AJAP1: variants seen among roughly 807,000 people sequenced by gnomAD.
AJAP1 encodes the protein adherens junctions associated protein 1, also known as adherens junction-associated protein 1.
In AJAP1, 5 loss-of-function variants were observed where a neutral mutation model predicts 35.0. The observed-to-expected ratio is 0.14, with a 90% CI of 0.07 to 0.30. The LOEUF (loss-of-function observed/expected upper bound fraction) is 0.30, where lower values mean the gene tolerates loss of function less well. AJAP1 is among the 10% of genes least tolerant of loss of function. The probability of loss-of-function intolerance (pLI) is 1.00; values close to 1 mark genes in which losing one functional copy is unlikely to be tolerated. For synonymous variants in AJAP1, 284 were observed against 249.3 expected, an observed-to-expected ratio of 1.14 and a Z score of -1.31; for missense variants, 586 against 571.0, an observed-to-expected ratio of 1.03 and a Z score of -0.27.
chr1:4,733,996 C>A (rs530953481), intron 2 of AJAP1, among the ~76,000 whole-genome samples: 1 of 152,206 alleles, frequency 6.6e-6, no homozygotes, highest in Non-Finnish European at 1.5e-5. Flanking sequence ...GTGTGCGTCG[C>A]GAGCAGGGCC....
intron 1 of AJAP1, among the ~76,000 whole-genome samples, chr1:4,673,392 T>C (rs1477531873): frequency 6.6e-6 from 1 of 152,218 alleles, no homozygotes; most frequent in Non-Finnish European, 1.5e-5. Flanking sequence ...CCCCTGCCCT[T>C]CATCCCTCTT....
Position 4,792,333 on chromosome 1 carries a change from T to TGGGGGGC in AJAP1, c.*9856_*9862dup, listed in dbSNP as rs1642259586. On this transcript the variant is annotated 3_prime_UTR_variant, in exon 6 of 6. Transcript: ENST00000378191. ...ACAAAAATGACACAATATATGTGGGTGGGGGGCGGGGGGCAGGTGGCTGGG... is the reference window on the plus strand; with the variant it reads ...ACAAAAATGACACAATATATGTGGGTGGGGGGCGGGGGGCGGGGGGCAGGTGGCTGGG... 1 of 113,474 alleles carries TGGGGGGC rather than the reference T, an allele frequency of 8.8e-6. No individual in the cohort carries two copies. The highest frequency in any genetic ancestry group is 1.8e-5 in the Non-Finnish European group (1 of 56,730). The allele number at this position is 113,474 out of a possible 1,614,324, so 7.0% of individuals were successfully genotyped here. A position where few individuals can be genotyped will look rare whatever the true frequency, so the allele number is the denominator to read the frequency against.
chr1:4,707,817 G>A (rs1640131838), intron 1 of AJAP1, among the ~76,000 whole-genome samples: 1 of 151,936 alleles, frequency 6.6e-6, no homozygotes, highest in Non-Finnish European at 1.5e-5. Context: ...CCAAGGAATT[G>A]CCAAACTGTT....
intron 2 of AJAP1, 126 bp from the exon 3 acceptor site, chr1:4,769,727 C>T (rs1180409026): frequency 1.3e-6 from 1 of 799,354 alleles, no homozygotes; most frequent in Admixed American, 1.8e-5. Context: ...GCCCCGAGTT[C>T]CCCGCTGCGG....
chr1:4,746,766 C>T (rs1205732256), intron 2 of AJAP1, among the ~76,000 whole-genome samples: 1 of 152,214 alleles, frequency 6.6e-6, no homozygotes, highest in East Asian at 1.9e-4. Flanking sequence ...CACCAGGTTT[C>T]GTGGTTTGCC....
chr1:4,738,516 G>A (rs59122903), intron 2 of AJAP1, among the ~76,000 whole-genome samples: 2,798 of 152,282 alleles, frequency 0.018, 77 homozygotes, highest in African/African-American at 0.063. Flanking sequence ...GGTTGTTGGC[G>A]AGAGCCACTG....
At chr1:4,749,046 G>T (rs1641262103) in intron 2 of AJAP1, among the ~76,000 whole-genome samples, 1 of 152,160 alleles carries the variant, frequency 6.6e-6, no homozygotes, top group Non-Finnish European at 1.5e-5. Context: ...TGGTGGACAC[G>T]GTTCAACCAG....
intron 2 of AJAP1, among the ~76,000 whole-genome samples, chr1:4,751,349 A>G (rs906711402): frequency 6.6e-6 from 1 of 152,146 alleles, no homozygotes; most frequent in African/African-American, 2.4e-5. Flanking sequence ...TGATGTGATG[A>G]ACCTATTAGC....
chr1:4,701,118 C>T (rs966342669), intron 1 of AJAP1, among the ~76,000 whole-genome samples: 1 of 152,244 alleles, frequency 6.6e-6, no homozygotes, highest in African/African-American at 2.4e-5. Context: ...CAAGCACCTG[C>T]GAAGGCTGTC....
At chr1:4,762,273 C>T (rs1244449125) in intron 2 of AJAP1, among the ~76,000 whole-genome samples, 1 of 152,192 alleles carries the variant, frequency 6.6e-6, no homozygotes, top group Non-Finnish European at 1.5e-5. Flanking sequence ...ATGTCCTTGC[C>T]CCCAATTCCC....
At chr1:4,776,389 A>C (rs375764958) in intron 5 of AJAP1, among the ~76,000 whole-genome samples, 8 of 152,074 alleles carry the variant, frequency 5.3e-5, no homozygotes, top group Non-Finnish European at 1.0e-4. Flanking sequence ...AGGCAGTGGG[A>C]GGTTAAATGA....
intron 2 of AJAP1, among the ~76,000 whole-genome samples, chr1:4,753,698 A>AT (rs1401552137): frequency 6.6e-6 from 1 of 152,078 alleles, no homozygotes; most frequent in Non-Finnish European, 1.5e-5. Flanking sequence ...TCAGCCTCCC[A>AT]TGTAGCTGGG....
In AJAP1 at chr1:4,718,155, C is replaced by T. The variant is rs990530855; in HGVS notation, c.829+5456C>T. ...GTGGTTCTGGGTGGTGGCCTGTGGT[C>T]GAGGTTTTCTGTTGGCCGACAGCTC... On this transcript the variant is annotated intron_variant, in intron 2 of 5. Coordinates refer to ENST00000378191, the MANE Select transcript of AJAP1 (RefSeq NM_018836.4). 4.6e-4 allele frequency among the ~76,000 whole-genome samples: 70 copies of T among 151,920 alleles called. 1 individual carries two copies. The highest frequency in any genetic ancestry group is 4.6e-3 in the Admixed American group (70 of 15,264).
At chr1:4,765,277 C>T (rs555220590) in intron 2 of AJAP1, among the ~76,000 whole-genome samples, 5 of 152,274 alleles carry the variant, frequency 3.3e-5, no homozygotes, top group African/African-American at 1.2e-4. Context: ...TTGTTCCTTC[C>T]TTGGGGGCAT....
In AJAP1 at chr1:4,783,424, C is replaced by T. The variant is rs1217089461; in HGVS notation, c.*939C>T. The stretch of plus-strand genomic sequence containing the variant: ...TGAGTGGCATCAAATGTGTGACTTA[C>T]TATCTTGGGCCAGAACTAAGAATGC... On this transcript the variant is annotated 3_prime_UTR_variant, in exon 6 of 6. Coordinates refer to ENST00000378191, the MANE Select transcript of AJAP1 (RefSeq NM_018836.4). 7.0e-6 allele frequency: 1 copy of T among 143,160 alleles called. No homozygotes were observed. Among genetic ancestry groups the T allele is most frequent in the Non-Finnish European group, 1.5e-5 (1 of 66,656 alleles). The allele number at this position is 143,160 out of a possible 1,614,324, so 8.9% of individuals were successfully genotyped here.
chr1:4,774,648 C>A, intron 5 of AJAP1, 90 bp downstream of exon 5: 1 of 709,544 alleles, frequency 1.4e-6, no homozygotes, highest in Non-Finnish European at 2.4e-6. Context: ...TCACTGGGAG[C>A]TCTTTTAGAC....
intron 2 of AJAP1, among the ~76,000 whole-genome samples, chr1:4,716,466 G>T (rs771537755): frequency 2.0e-5 from 3 of 152,168 alleles, no homozygotes; most frequent in Admixed American, 6.5e-5. Flanking sequence ...TTCAGTATGT[G>T]CCTGCTGCTG....
chr1:4,767,400 C>T (rs553029823), intron 2 of AJAP1, among the ~76,000 whole-genome samples: 1 of 151,816 alleles, frequency 6.6e-6, no homozygotes, highest in Non-Finnish European at 1.5e-5. Context: ...CCATCATCAT[C>T]GTTACCACCA....
chr1:4,707,963 G>A (rs1259440067), intron 1 of AJAP1, among the ~76,000 whole-genome samples: 2 of 126,158 alleles, frequency 1.6e-5, no homozygotes, highest in Non-Finnish European at 3.3e-5. Context: ...TGGGCGGTAC[G>A]TTTTTTTTTT....
Sources: allele counts gnomAD v4.1 joint callset (sites outside exome capture counted in the v4.1 genomes callset), GRCh38; gene constraint gnomAD v4.1.1; transcripts MANE v1.5; gene names NCBI Gene and HGNC (gene_info 2026-07-23, HGNC 2026-07-21).